The following SCN4A variants were observed in gnomAD, a reference collection of about 807,000 sequenced individuals.
SCN4A encodes the protein sodium voltage-gated channel alpha subunit 4, also known as sodium channel protein type 4 subunit alpha.
SCN4A carries 83 observed loss-of-function variants against 162.0 expected under a neutral mutation model. The observed-to-expected ratio is 0.51, with a 90% confidence interval of 0.43 to 0.61. SCN4A has a LOEUF of 0.61. Among genes scored for constraint, SCN4A ranks in the 20% least tolerant of loss-of-function variants. The pLI is 0.00. For synonymous variants in SCN4A, 944 were observed against 985.1 expected (o/e 0.96, Z 0.78); for missense variants, 2,196 against 2,462.5 (o/e 0.89, Z 2.29).
In SCN4A at chr17:63,968,116, T is replaced by G. The variant is rs1247421815; in HGVS notation, c.943A>C (p.Asn315His). Residue 315 changes from asparagine (N) to histidine (H), a missense_variant, in exon 6 of 24, where the codon AAT becomes CAT. Physicochemically the swap from Asn to His is moderately conservative, Grantham distance 68. Coordinates refer to ENST00000435607, the MANE Select transcript of SCN4A (RefSeq NM_000334.4). Reference protein sequence around the residue: ...TWYGNEMWYGNDSWYANDTWN... With the variant: ...TWYGNEMWYGHDSWYANDTWN... ...GTGTCGTTGGCATACCATGAGTCAT[T>G]GCCGTACCACATCTCATTGCCATAC... The G allele has an allele frequency of 9.3e-6, 15 of 1,613,890 alleles. No individual in the cohort carries two copies. The highest frequency in any genetic ancestry group is 1.2e-5 in the Non-Finnish European group (14 of 1,179,846).
chr17:63,939,909 G>GGGCCT lies in SCN4A; in HGVS notation c.*861_*862insAGGCC, dbSNP rs1270339254. 5.9e-5 allele frequency: 9 copies of GGGCCT among 152,300 alleles called. No homozygotes were observed. Among genetic ancestry groups the GGGCCT allele is most frequent in the African/African-American group, 1.4e-4 (6 of 41,528 alleles). The allele number at this position is 152,300 out of a possible 1,614,324, so 9.4% of individuals were successfully genotyped here. A position where few individuals can be genotyped will look rare whatever the true frequency, so the allele number is the denominator to read the frequency against. On this transcript the variant is annotated 3_prime_UTR_variant, in exon 24 of 24. Transcript: ENST00000435607. ...GAAGGGGCGAGAATCTTCTTACTGA[G>GGGCCT]CAGCAGGTCCCTGACTCCCGCTCAG...
At chr17:63,961,474 C>T in intron 10 of SCN4A, 43 bp from the exon 11 acceptor site, 4 of 1,415,720 alleles carry the variant, frequency 2.8e-6, no homozygotes, top group African/African-American at 1.4e-5. Context: ...GGATTATCCC[C>T]TCACGTGCCC....
chr17:63,952,654 CTACT>C (rs1249446503), intron 13 of SCN4A, among the ~76,000 whole-genome samples: 1 of 152,124 alleles, frequency 6.6e-6, no homozygotes, highest in African/African-American at 2.4e-5. Flanking sequence ...GACATCTGAC[CTACT>C]ATTTACCCTC....
rs144269556 is a variant in SCN4A at position 63,963,098 on chromosome 17, A to G, written c.1606+574T>C. ...CTCTCATCCATCCATCCATCCATCCATCCGTCCGTCCATCCATCTGTCCAT... is the reference window on the plus strand; with the variant it reads ...CTCTCATCCATCCATCCATCCATCCGTCCGTCCGTCCATCCATCTGTCCAT... On this transcript the variant is annotated intron_variant, in intron 10 of 23. Transcript: ENST00000435607. Among the ~76,000 whole-genome samples the G allele has an allele frequency of 5.8e-3, 880 of 150,738 alleles. 12 individuals are homozygous for G. Among genetic ancestry groups the G allele is most frequent in the African/African-American group, 0.016 (661 of 40,470 alleles).
chr17:63,972,661 C>A lies in SCN4A; in HGVS notation c.181G>T (p.Gly61Cys). The A allele has an allele frequency of 6.2e-7, 1 of 1,613,136 alleles. No individual in the cohort carries two copies. Among genetic ancestry groups the A allele is most frequent in the Non-Finnish European group, 8.5e-7 (1 of 1,179,534 alleles). ...ERKPRSDLEA[G>C]KNLPMIYGDP... ...CCGTAGATCATGGGTAGGTTCTTGC[C>A]AGCCTCCAAGTCACTTCGTGGCTTC... Residue 61 changes from glycine (G) to cysteine (C), a missense_variant, in exon 1 of 24, where the codon GGC becomes TGC. Transcript: ENST00000435607. The surrounding 1 kb of genome is among the most constrained non-coding windows in gnomAD (Gnocchi z 4.3).
chr17:63,941,759 T>C lies in SCN4A; in HGVS notation c.4523A>G (p.Lys1508Arg), dbSNP rs1908542835. 1 of 1,614,106 alleles carries C rather than the reference T, an allele frequency of 6.2e-7. No individual in the cohort carries two copies. Among genetic ancestry groups the C allele is most frequent in the Non-Finnish European group, 8.5e-7 (1 of 1,180,030 alleles). The part of the protein sequence containing the change: ...IFGMSNFAYV[K>R]KESGIDDMFN... ...CATATCATCGATGCCCGACTCCTTCTTGACGTAGGCAAAGTTGGACATGCC... is the reference window on the plus strand; with the variant it reads ...CATATCATCGATGCCCGACTCCTTCCTGACGTAGGCAAAGTTGGACATGCC... The change falls in exon 24 of 24, where the codon AAG becomes AGG. Residue 1508 changes from lysine (K) to arginine (R), a missense_variant. Coordinates refer to ENST00000435607, the MANE Select transcript of SCN4A (RefSeq NM_000334.4). This position sits in a 1 kb window ranked among gnomAD's most constrained non-coding sequence, Gnocchi z 6.2.
At chr17:63,971,475 G>A (rs1909607583) in intron 4 of SCN4A, among the ~76,000 whole-genome samples, 2 of 152,150 alleles carry the variant, frequency 1.3e-5, no homozygotes, top group South Asian at 2.1e-4. Flanking sequence ...AAGATAGCCC[G>A]GCTCACCCAG....
At position 63,945,578 on chromosome 17, in the gene SCN4A, G is replaced by A. The variant is rs978717883; in HGVS notation, c.3502C>T (p.Leu1168Phe). Residue 1168 changes from leucine (L) to phenylalanine (F), a missense_variant, in exon 19 of 24, where the codon CTC becomes TTC. Transcript: ENST00000435607. The surrounding 1 kb of genome is among the most constrained non-coding windows in gnomAD (Gnocchi z 4.4). ...PSIMNVLLVC[L>F]IFWLIFSIMG... ...ATGCTGAAGATCAGCCAGAAGATGA[G>A]GCAGACAAGCAGCACATTCATGATG... 2.5e-6 allele frequency: 4 copies of A among 1,614,046 alleles called. No homozygotes were observed. The South Asian group carries it at 3.3e-5, about 13-fold the overall frequency.
At position 63,941,868 on chromosome 17, in the gene SCN4A, G is replaced by A; in HGVS notation, c.4414C>T (p.Leu1472=). Residue 1472 remains leucine (L), a synonymous_variant, in exon 24 of 24, where the codon CTG becomes TTG. Coordinates refer to ENST00000435607, the MANE Select transcript of SCN4A (RefSeq NM_000334.4). This position sits in a 1 kb window ranked among gnomAD's most constrained non-coding sequence, Gnocchi z 6.2. ...GGCAGCGACATCATGAGGGCGAACA[G>A]CAGCGTCCGGATGCCCTTGGCCCCG... ...IRGAKGIRTL[L]FALMMSLPAL... is the part of the protein sequence containing the mutation. 1 of 1,613,992 alleles carries A rather than the reference G, an allele frequency of 6.2e-7. No homozygotes were observed.
chr17:63,967,562 T>C (rs763659997), intron 6 of SCN4A, among the ~76,000 whole-genome samples: 19 of 152,158 alleles, frequency 1.2e-4, no homozygotes, highest in Non-Finnish European at 2.5e-4. Context: ...GGAGATCAAG[T>C]GACTAGTCAG....
chr17:63,946,586 C>T (rs902950745), intron 18 of SCN4A, among the ~76,000 whole-genome samples: 5 of 151,998 alleles, frequency 3.3e-5, no homozygotes, highest in Admixed American at 2.0e-4. Context: ...ACGCCAAGCT[C>T]ATCAGTGGGG....
At chr17:63,957,086 G>T in intron 13 of SCN4A, 76 bp downstream of exon 13, 1 of 1,021,374 alleles carries the variant, frequency 9.8e-7, no homozygotes. Context: ...TGGGGAGATA[G>T]AAAACAGTCA....
Position 63,972,074 on chromosome 17 carries a change from T to G in SCN4A, c.482+62A>C, listed in dbSNP as rs1597987638. 1 of 1,309,450 alleles carries G rather than the reference T, an allele frequency of 7.6e-7. No homozygotes were observed. The highest frequency in any genetic ancestry group is 1.1e-6 in the Non-Finnish European group (1 of 918,164). The allele number at this position is 1,309,450 out of a possible 1,614,324, so 81.1% of individuals were successfully genotyped here. A position where few individuals can be genotyped will look rare whatever the true frequency, so the allele number is the denominator to read the frequency against. On this transcript the variant is annotated intron_variant, in intron 3 of 23. Transcript: ENST00000435607. This position sits in a 1 kb window ranked among gnomAD's most constrained non-coding sequence, Gnocchi z 4.3. ...AGACAAGAGCAGCACCACACAGAGG[T>G]GCAAACACCTGAGATGGGCTGTGTC...
rs764042285 is a variant in SCN4A at position 63,940,656 on chromosome 17, G to C, written c.*115C>G. The C allele has an allele frequency of 6.7e-5, 88 of 1,319,658 alleles. No homozygotes were observed. Among genetic ancestry groups the C allele is most frequent in the Non-Finnish European group, 8.6e-5 (84 of 981,030 alleles). The allele number at this position is 1,319,658 out of a possible 1,614,324, so 81.7% of individuals were successfully genotyped here. A position where few individuals can be genotyped will look rare whatever the true frequency, so the allele number is the denominator to read the frequency against. On this transcript the variant is annotated 3_prime_UTR_variant, in exon 24 of 24. Transcript: ENST00000435607. ...TGTGGCCAAATCCTGTCCCCCATCA[G>C]GGAGCCAGGCACAGTCCCAGATTCA...
intron 5 of SCN4A, among the ~76,000 whole-genome samples, chr17:63,969,396 A>G (rs1049225326): frequency 1.8e-4 from 27 of 152,148 alleles, no homozygotes; most frequent in African/African-American, 6.0e-4. Context: ...ATATGACTTC[A>G]TTTCCTTTTC....
At chr17:63,965,414 G>A (rs1475887499) in intron 8 of SCN4A, among the ~76,000 whole-genome samples, 2 of 152,220 alleles carry the variant, frequency 1.3e-5, no homozygotes, top group African/African-American at 4.8e-5. Context: ...GCATCAGAAG[G>A]CACTGTCACT....
Sources: allele counts gnomAD v4.1 joint callset (sites outside exome capture counted in the v4.1 genomes callset), GRCh38; gene constraint gnomAD v4.1.1; non-coding constraint Gnocchi (gnomAD v3.1); transcripts MANE v1.5; gene names NCBI Gene and HGNC (gene_info 2026-07-23, HGNC 2026-07-21).